Variants in ETFBKMT observed in about 807,000 individuals in gnomAD.
ETFBKMT encodes the protein electron transfer flavoprotein beta subunit lysine methyltransferase.
In ETFBKMT, 13 loss-of-function variants were observed where a neutral mutation model predicts 18.3. The observed-to-expected ratio is 0.71, with a 90% CI of 0.46 to 1.13. ETFBKMT has a LOEUF of 1.13. Among genes scored for constraint, ETFBKMT ranks in the 50% most tolerant of loss-of-function variants. ETFBKMT has a pLI of 0.00. For missense variants in ETFBKMT, 293 were observed against 306.2 expected (o/e 0.96, Z 0.32); for synonymous variants, 84 against 107.9 (o/e 0.78, Z 1.37).
intron 2 of ETFBKMT, among the ~76,000 whole-genome samples, chr12:31,665,086 G>A (rs549756374): frequency 6.7e-5 from 10 of 149,164 alleles, no homozygotes; most frequent in South Asian, 2.1e-4. Context: ...GCAGGTGCCC[G>A]CCACCACACC....
intron 1 of ETFBKMT, among the ~76,000 whole-genome samples, chr12:31,648,737 AT>A (rs1950990058): frequency 6.7e-6 from 1 of 150,282 alleles, no homozygotes; most frequent in South Asian, 2.1e-4. Context: ...AAGTTTTTGT[AT>A]TTTTAGTAGA....
In ETFBKMT at chr12:31,668,383, C is replaced by T. The variant is rs951278084; in HGVS notation, c.*393C>T. On this transcript the variant is annotated 3_prime_UTR_variant, in exon 4 of 4. Coordinates refer to ENST00000357721, the MANE Select transcript of ETFBKMT (RefSeq NM_001135863.2). ...ACAAACAAAACAAAACAGAAGAAGA[C>T]TATATATATATTTTTTCTTTTTTTA... is the stretch of plus-strand genomic sequence containing the variant. 4 of 155,672 alleles carry T rather than the reference C, an allele frequency of 2.6e-5. No individual in the cohort carries two copies. The highest frequency in any genetic ancestry group is 9.6e-5 in the African/African-American group (4 of 41,494). The allele number at this position is 155,672 out of a possible 1,614,324, so 9.6% of individuals were successfully genotyped here.
In ETFBKMT at chr12:31,669,378, T is replaced by A. The variant is rs1280818656; in HGVS notation, c.*1388T>A. 1 of 152,290 alleles carries A rather than the reference T, an allele frequency of 6.6e-6. No individual in the cohort carries two copies. The highest frequency in any genetic ancestry group is 2.4e-5 in the African/African-American group (1 of 41,478). 9.4% of individuals were successfully genotyped at this position (152,290 alleles called of 1,614,324 possible). On this transcript the variant is annotated 3_prime_UTR_variant, in exon 4 of 4. Transcript: ENST00000357721. Reference sequence around the variant, plus strand: ...GTGCCCCTGCTGTGACCTTCACAAGTGCTTTCAGCTTTTCTTTTGTCACTT... The same window carrying A: ...GTGCCCCTGCTGTGACCTTCACAAGAGCTTTCAGCTTTTCTTTTGTCACTT...
At chr12:31,663,832 C>T (rs985067738) in intron 2 of ETFBKMT, among the ~76,000 whole-genome samples, 5 of 149,068 alleles carry the variant, frequency 3.4e-5, no homozygotes, top group Non-Finnish European at 6.0e-5. Flanking sequence ...GTGCCTAAAC[C>T]GCACTTTATT....
At position 31,661,999 on chromosome 12, in the gene ETFBKMT, C is replaced by A. The variant is rs1411420506; in HGVS notation, c.46C>A (p.Leu16Ile). 1 of 1,614,202 alleles carries A rather than the reference C, an allele frequency of 6.2e-7. No homozygotes were observed. The highest frequency in any genetic ancestry group is 2.2e-5 in the East Asian group (1 of 44,890). The change falls in exon 2 of 4, where the codon CTC becomes ATC. Residue 16 changes from leucine to isoleucine, a missense_variant. By Grantham distance (5) the Leu-to-Ile change is conservative. Transcript: ENST00000357721. ...GAAAGCACACAGGAACCACTGTGGTCTCCTCTTGCAGGCTCTGCGAAGCAG... is the reference window on the plus strand; with the variant it reads ...GAAAGCACACAGGAACCACTGTGGTATCCTCTTGCAGGCTCTGCGAAGCAG... ...GWKAHRNHCG[L>I]LLQALRSSGL...
chr12:31,648,729 G>A (rs762650916), intron 1 of ETFBKMT, among the ~76,000 whole-genome samples: 1 of 150,880 alleles, frequency 6.6e-6, no homozygotes, highest in Admixed American at 6.6e-5. Flanking sequence ...GCCTGGCTAA[G>A]TTTTTGTATT....
In ETFBKMT at chr12:31,667,553, ATAT is replaced by A. The variant is rs1223533824; in HGVS notation, c.446-92_446-90del. ...ACTTTCATCAAAAAGGAAGAAAAAT[ATAT>A]TGTTAGCAGATCTTCTAAATTATTT... On this transcript the variant is annotated intron_variant, in intron 3 of 3. Transcript: ENST00000357721. 1.3e-5 allele frequency: 13 copies of A among 970,338 alleles called. No homozygotes were observed. The Admixed American group carries it at 3.4e-4, about 25-fold the overall frequency. The allele number at this position is 970,338 out of a possible 1,614,324, so 60.1% of individuals were successfully genotyped here. A position where few individuals can be genotyped will look rare whatever the true frequency, so the allele number is the denominator to read the frequency against.
At chr12:31,651,722 A>G (rs995702036) in intron 1 of ETFBKMT, among the ~76,000 whole-genome samples, 11 of 152,200 alleles carry the variant, frequency 7.2e-5, no homozygotes, top group Admixed American at 6.5e-4. Context: ...TAAACTTACT[A>G]AACGAACACT....
At chr12:31,667,322 A>G (rs993261978) in intron 3 of ETFBKMT, among the ~76,000 whole-genome samples, 2 of 152,210 alleles carry the variant, frequency 1.3e-5, no homozygotes, top group African/African-American at 4.8e-5. Context: ...ATTTATTGCC[A>G]TGCTCAATCA....
At chr12:31,657,324 T>C (rs952991054), upstream of ETFBKMT, among the ~76,000 whole-genome samples, 1 of 152,198 alleles carries the variant, frequency 6.6e-6, no homozygotes, top group Admixed American at 6.5e-5. Context: ...GTCAATTTTG[T>C]TAAAATCTAG....
intron 2 of ETFBKMT, among the ~76,000 whole-genome samples, chr12:31,664,563 G>A (rs910227431): frequency 4.0e-5 from 6 of 151,684 alleles, no homozygotes; most frequent in Non-Finnish European, 8.8e-5. Flanking sequence ...TGTGGCCTGT[G>A]CTCTTCTAAG....
chr12:31,672,289 A>G lies in ETFBKMT; in HGVS notation c.*4299A>G, dbSNP rs764751731. 6.4e-6 allele frequency: 10 copies of G among 1,555,178 alleles called. No individual in the cohort carries two copies. Among genetic ancestry groups the G allele is most frequent in the South Asian group, 3.5e-5 (3 of 84,738 alleles). ...TTGATAAGCTTTCCTAGCATTGATC[A>G]TCTTCAAAAAAGCATCAATAAACAG... On this transcript the variant is annotated 3_prime_UTR_variant, in exon 4 of 4. Coordinates refer to ENST00000357721, the MANE Select transcript of ETFBKMT (RefSeq NM_001135863.2).
At chr12:31,664,284 T>G (rs1951165552) in intron 2 of ETFBKMT, among the ~76,000 whole-genome samples, 1 of 152,014 alleles carries the variant, frequency 6.6e-6, no homozygotes, top group Non-Finnish European at 1.5e-5. Context: ...GACTTTGAGT[T>G]TTACCAGAGA....
chr12:31,662,505 CTTTT>C (rs35366747), intron 2 of ETFBKMT, among the ~76,000 whole-genome samples: 4 of 128,836 alleles, frequency 3.1e-5, no homozygotes, highest in African/African-American at 2.8e-5. Context: ...TTCTTTCTTT[CTTTT>C]TTTTTTTTTT....
chr12:31,667,143 C>T (rs1240917020), intron 3 of ETFBKMT, among the ~76,000 whole-genome samples: 3 of 152,030 alleles, frequency 2.0e-5, no homozygotes, highest in Non-Finnish European at 2.9e-5. Context: ...TACAGGCATG[C>T]ACCACCATGC....
At chr12:31,652,030 T>C (rs1430521709) in intron 1 of ETFBKMT, among the ~76,000 whole-genome samples, 1 of 152,080 alleles carries the variant, frequency 6.6e-6, no homozygotes, top group Non-Finnish European at 1.5e-5. Flanking sequence ...AAGATGGTGT[T>C]GATCAACTAG....
At chr12:31,648,965 C>A (rs1321368496) in intron 1 of ETFBKMT, among the ~76,000 whole-genome samples, 1 of 146,448 alleles carries the variant, frequency 6.8e-6, no homozygotes, top group Non-Finnish European at 1.5e-5. Context: ...GCATGAGCCA[C>A]CACGCCCGAC....
chr12:31,650,113 G>A (rs953267820), intron 1 of ETFBKMT, among the ~76,000 whole-genome samples: 2 of 138,416 alleles, frequency 1.4e-5, no homozygotes, highest in Admixed American at 1.5e-4. Context: ...TTAACCTGAG[G>A]CTGAAACCTG....
upstream of ETFBKMT, among the ~76,000 whole-genome samples, chr12:31,654,710 A>C (rs1951045362): frequency 6.6e-6 from 1 of 152,216 alleles, no homozygotes; most frequent in African/African-American, 2.4e-5. Flanking sequence ...GAAAATCTAG[A>C]AAAAGCAAAG....
Sources: allele counts gnomAD v4.1 joint callset (sites outside exome capture counted in the v4.1 genomes callset), GRCh38; gene constraint gnomAD v4.1.1; transcripts MANE v1.5; gene names NCBI Gene and HGNC (gene_info 2026-07-23, HGNC 2026-07-21).